DLGAP2: variants seen among roughly 807,000 people sequenced by gnomAD.
DLGAP2 encodes DLG associated protein 2, also known as disks large-associated protein 2.
DLGAP2 carries 26 observed loss-of-function variants against 100.3 expected under a neutral mutation model. That is an observed-to-expected ratio of 0.26 (90% CI 0.19 to 0.36). The LOEUF (loss-of-function observed/expected upper bound fraction) is 0.36, where lower values mean the gene tolerates loss of function less well. Ranked by LOEUF, DLGAP2 falls within the 10% of genes least tolerant of loss-of-function variation. The pLI is 1.00. For missense variants in DLGAP2, 1,858 were observed against 1,453.2 expected (o/e 1.28, Z -4.53); for synonymous variants, 886 against 630.1 (o/e 1.41, Z -6.08).
intron 1 of DLGAP2, among the ~76,000 whole-genome samples, chr8:757,284 G>A (rs553098599): frequency 3.9e-5 from 6 of 152,290 alleles, no homozygotes; most frequent in African/African-American, 1.4e-4. Context: ...TATAGAATAT[G>A]TAAAATACCG....
intron 2 of DLGAP2, among the ~76,000 whole-genome samples, chr8:1,248,328 G>C (rs1397621765): frequency 3.1e-5 from 2 of 65,438 alleles, no homozygotes; most frequent in African/African-American, 7.6e-5. Flanking sequence ...GTCGGTGGCC[G>C]GGAAGACCTT....
intron 3 of DLGAP2, among the ~76,000 whole-genome samples, chr8:1,339,103 G>T (rs936175973): frequency 6.6e-6 from 1 of 150,748 alleles, no homozygotes; most frequent in East Asian, 2.0e-4. Flanking sequence ...CCTCAGCGTG[G>T]CGTCAGGACC....
At chr8:1,428,212 G>A (rs1797292132) in intron 3 of DLGAP2, among the ~76,000 whole-genome samples, 1 of 151,096 alleles carries the variant, frequency 6.6e-6, no homozygotes, top group African/African-American at 2.4e-5. Flanking sequence ...CACCAAATCA[G>A]AAAAAAAATT....
intron 1 of DLGAP2, among the ~76,000 whole-genome samples, chr8:874,977 G>T (rs576281469): frequency 1.3e-5 from 2 of 152,262 alleles, no homozygotes; most frequent in South Asian, 4.1e-4. Context: ...CTCCTGATGG[G>T]TTGTCTCTTT....
At chr8:920,847 C>T (rs929750464) in intron 2 of DLGAP2, among the ~76,000 whole-genome samples, 5 of 152,110 alleles carry the variant, frequency 3.3e-5, no homozygotes, top group African/African-American at 9.7e-5. Flanking sequence ...ACACTTTGCC[C>T]GAAAAACTCT....
chr8:1,130,222 G>A (rs369459028), intron 2 of DLGAP2, among the ~76,000 whole-genome samples: 9 of 152,242 alleles, frequency 5.9e-5, no homozygotes, highest in East Asian at 5.8e-4. Context: ...ATTGACAAAC[G>A]CACTCTGGCC....
At chr8:1,623,457 C>T (rs1341564079) in intron 6 of DLGAP2, among the ~76,000 whole-genome samples, 3 of 151,956 alleles carry the variant, frequency 2.0e-5, no homozygotes, top group African/African-American at 2.4e-5. Context: ...GACCTGACAC[C>T]AGCGCGCAAT....
intron 8 of DLGAP2, among the ~76,000 whole-genome samples, chr8:1,653,566 G>A (rs1457534280): frequency 2.6e-5 from 4 of 152,352 alleles, no homozygotes; most frequent in Middle Eastern, 3.4e-3. Flanking sequence ...TTATTGGCAG[G>A]ACCAACGGCA....
At chr8:1,412,934 C>G (rs888673773) in intron 3 of DLGAP2, among the ~76,000 whole-genome samples, 1 of 152,140 alleles carries the variant, frequency 6.6e-6, no homozygotes, top group Non-Finnish European at 1.5e-5. Flanking sequence ...TGGGAAAATT[C>G]CTTCAATACC....
intron 3 of DLGAP2, among the ~76,000 whole-genome samples, chr8:1,297,554 A>T: frequency 3.7e-5 from 2 of 53,476 alleles, no homozygotes; most frequent in South Asian, 1.7e-3. Flanking sequence ...CGTGGCAGGC[A>T]TGAACAGACA....
intron 2 of DLGAP2, among the ~76,000 whole-genome samples, chr8:911,645 G>A (rs1798487349): frequency 6.6e-6 from 1 of 151,520 alleles, no homozygotes; most frequent in Non-Finnish European, 1.5e-5. Flanking sequence ...TATGTGGGAA[G>A]GATGCTGGAG....
chr8:930,647 C>T (rs543419196), intron 2 of DLGAP2, among the ~76,000 whole-genome samples: 6 of 152,244 alleles, frequency 3.9e-5, no homozygotes, highest in Admixed American at 3.3e-4. Flanking sequence ...GGGTGTGGGA[C>T]ACAGGCTGTG....
intron 2 of DLGAP2, among the ~76,000 whole-genome samples, chr8:1,117,060 C>G (rs927550751): frequency 2.6e-5 from 4 of 152,190 alleles, no homozygotes; most frequent in African/African-American, 9.7e-5. Context: ...GATCCCAAAG[C>G]TTTATGGGTT....
At chr8:1,434,723 C>A (rs552480572) in intron 3 of DLGAP2, among the ~76,000 whole-genome samples, 4 of 152,286 alleles carry the variant, frequency 2.6e-5, no homozygotes, top group South Asian at 2.1e-4. Flanking sequence ...AATCTTCCAG[C>A]CTTTGTCTTC....
chr8:1,474,839 T>C (rs1421078784), intron 3 of DLGAP2, among the ~76,000 whole-genome samples: 1 of 152,214 alleles, frequency 6.6e-6, no homozygotes, highest in Non-Finnish European at 1.5e-5. Flanking sequence ...CTCAAAGAAC[T>C]GAGAGTTGAA....
chr8:1,476,696 C>T (rs571119783), intron 3 of DLGAP2, among the ~76,000 whole-genome samples: 5 of 151,906 alleles, frequency 3.3e-5, no homozygotes, highest in East Asian at 1.9e-4. Context: ...TATGCAGACC[C>T]ACCCTTGATG....
chr8:1,046,161 A>G (rs1287798271), intron 2 of DLGAP2, among the ~76,000 whole-genome samples: 1 of 152,154 alleles, frequency 6.6e-6, no homozygotes, highest in Admixed American at 6.5e-5. Flanking sequence ...CAGAAACCAT[A>G]TTTCTGAAGG....
chr8:923,423 G>C (rs1216053683), intron 2 of DLGAP2, among the ~76,000 whole-genome samples: 1 of 152,256 alleles, frequency 6.6e-6, no homozygotes, highest in Admixed American at 6.5e-5. Flanking sequence ...GGGTGTGAGT[G>C]CTGATGCCGC....
At chr8:805,752 A>G (rs1232570103) in intron 1 of DLGAP2, among the ~76,000 whole-genome samples, 1 of 152,114 alleles carries the variant, frequency 6.6e-6, no homozygotes, top group African/African-American at 2.4e-5. Context: ...TCCTGAGCCC[A>G]AGCAGTCCGC....
Sources: gnomAD v4.1 joint callset for allele counts (sites outside exome capture counted in the v4.1 genomes callset) on GRCh38, gnomAD v4.1.1 for gene constraint, MANE v1.5 for transcripts, NCBI Gene and HGNC (gene_info 2026-07-23, HGNC 2026-07-21) for gene names.